RIF1: variants seen among roughly 807,000 people sequenced by gnomAD.
The protein encoded by RIF1 is replication timing regulatory factor 1, also known as telomere-associated protein RIF1.
RIF1 carries 45 observed loss-of-function variants against 247.1 expected under a neutral mutation model. That is an observed-to-expected ratio of 0.18 (90% CI 0.14 to 0.23). The LOEUF is 0.23. Ranked by LOEUF, RIF1 falls within the 10% of genes least tolerant of loss-of-function variation. The pLI, the probability that RIF1 is intolerant of heterozygous loss-of-function variation, is 1.00. For missense variants in RIF1, 2,967 were observed against 2,862.5 expected (o/e 1.04, Z -0.83); for synonymous variants, 1,087 against 978.8 (o/e 1.11, Z -2.06).
At chr2:151,414,084 G>A (rs182710344) in intron 3 of RIF1, among the ~76,000 whole-genome samples, 11 of 152,086 alleles carry the variant, frequency 7.2e-5, no homozygotes, top group African/African-American at 1.7e-4. Context: ...GGCCTGAGGC[G>A]GGTGGATCAC....
chr2:151,464,596 T>C lies in RIF1; in HGVS notation c.5076T>C (p.Cys1692=), dbSNP rs143956653. Reference sequence around the variant, plus strand: ...ATAAGCGAGACTCTTTTGATAATTGTAGTTTGGGAGAATCCTCAAAAATAG... The same window carrying C: ...ATAAGCGAGACTCTTTTGATAATTGCAGTTTGGGAGAATCCTCAAAAATAG... ...RLHKRDSFDN[C]SLGESSKIGI... The change falls in exon 30 of 36, where the codon TGT becomes TGC. Residue 1692 remains cysteine, a synonymous_variant. Coordinates refer to ENST00000444746, the MANE Select transcript of RIF1 (RefSeq NM_018151.5). 3,837 of 1,613,572 alleles carry C rather than the reference T, an allele frequency of 2.4e-3. 58 individuals are homozygous for C. The South Asian group carries it at 0.026, about 11-fold the overall frequency.
chr2:151,494,126 A>G, intron 9 of RIF1: 8 of 1,551,236 alleles, frequency 5.2e-6, no homozygotes, highest in Non-Finnish European at 7.0e-6. Flanking sequence ...GTTATTTTGC[A>G]AAATTAAAAG....
chr2:151,410,330 TG>T (rs1355403516), intron 1 of RIF1, 83 bp from the exon 2 acceptor site: 4 of 1,043,676 alleles, frequency 3.8e-6, no homozygotes, highest in Non-Finnish European at 5.7e-6. Context: ...GGCGTGCGGG[TG>T]TGAGGGCCGG....
intron 10 of RIF1, among the ~76,000 whole-genome samples, chr2:151,495,678 C>T (rs1190132263): frequency 6.6e-5 from 10 of 152,000 alleles, no homozygotes; most frequent in Non-Finnish European, 1.2e-4. Context: ...ACAACAACAA[C>T]AACAAACAAA....
chr2:151,447,144 C>G (rs904354518), intron 20 of RIF1, among the ~76,000 whole-genome samples: 1 of 151,838 alleles, frequency 6.6e-6, no homozygotes, highest in Non-Finnish European at 1.5e-5. Flanking sequence ...GGGGTTTCAC[C>G]GTGTTAGCCA....
chr2:151,435,633 T>G, intron 11 of RIF1, 53 bp downstream of exon 11: 1 of 951,994 alleles, frequency 1.1e-6, no homozygotes, highest in South Asian at 1.4e-5. Flanking sequence ...TTTGTTGACC[T>G]AGAAGCATAG....
intron 11 of RIF1, chr2:151,501,624 T>TAAC (rs1224808659): frequency 1.1e-5 from 5 of 475,016 alleles, no homozygotes; most frequent in Non-Finnish European, 1.5e-5. Context: ...AAAATAGAGT[T>TAAC]AACTATAGAT....
intron 35 of RIF1, 46 bp downstream of exon 35, chr2:151,474,118 G>T: frequency 2.3e-6 from 2 of 883,082 alleles, no homozygotes; most frequent in South Asian, 1.5e-5. Context: ...AAGATCAGCT[G>T]ACTTTCTTGA....
chr2:151,439,005 A>T (rs1430463600), intron 14 of RIF1, among the ~76,000 whole-genome samples: 1 of 152,220 alleles, frequency 6.6e-6, no homozygotes, highest in African/African-American at 2.4e-5. Flanking sequence ...CTTACTATCG[A>T]TTGGAAGCCT....
chr2:151,447,238 C>T (rs911218702), intron 20 of RIF1, among the ~76,000 whole-genome samples: 1 of 152,120 alleles, frequency 6.6e-6, no homozygotes, highest in African/African-American at 2.4e-5. Context: ...CCACCGCGCC[C>T]GGCCTCTTTC....
intron 9 of RIF1, chr2:151,492,327 A>T (rs770715674): frequency 2.5e-6 from 4 of 1,597,200 alleles, no homozygotes; most frequent in Non-Finnish European, 3.4e-6. Flanking sequence ...TGGTGTGACT[A>T]TATCCCTTTT....
chr2:151,514,769 G>T, the RIF1 span: 1 of 1,253,282 alleles, frequency 8.0e-7, no homozygotes, highest in Non-Finnish European at 1.1e-6. Context: ...AGTGTCACTA[G>T]TGCAATTATT....
chr2:151,532,301 A>C, the RIF1 span: 9 of 160,530 alleles, frequency 5.6e-5, no homozygotes, highest in East Asian at 1.6e-3. Flanking sequence ...ATTTAGACCA[A>C]ATCTCAGAGC....
chr2:151,466,014 T>C lies in RIF1; in HGVS notation c.6494T>C (p.Met2165Thr), dbSNP rs16830057. 5 of 1,613,908 alleles carry C rather than the reference T, an allele frequency of 3.1e-6. No homozygotes were observed. The highest frequency in any genetic ancestry group is 2.2e-5 in the South Asian group (2 of 91,082). The change falls in exon 30 of 36, where the codon ATG (methionine) becomes ACG (threonine). Residue 2165 changes from methionine (M) to threonine (T), a missense_variant. Met to Thr is a moderately conservative substitution (Grantham distance 81). Coordinates refer to ENST00000444746, the MANE Select transcript of RIF1 (RefSeq NM_018151.5). ...LVSANDSPSG[M>T]QTRCVWSPLA... ...TCAGCAAATGACAGTCCTAGTGGCATGCAGACACGCTGTGTCTGGTCTCCT... is the reference window on the plus strand; with the variant it reads ...TCAGCAAATGACAGTCCTAGTGGCACGCAGACACGCTGTGTCTGGTCTCCT...
At chr2:151,474,130 A>G in intron 35 of RIF1, 58 bp downstream of exon 35, 1 of 828,924 alleles carries the variant, frequency 1.2e-6, no homozygotes, top group Non-Finnish European at 2.0e-6. Context: ...CTTTCTTGAA[A>G]TATGTTATTT....
chr2:151,524,322 G>A, the RIF1 span: 1 of 1,613,768 alleles, frequency 6.2e-7, no homozygotes, highest in Non-Finnish European at 8.5e-7. Context: ...TGGCTGCTCA[G>A]CTTGGCTGCC....
chr2:151,498,891 T>TTAAAA (rs577381350), intron 10 of RIF1, among the ~76,000 whole-genome samples: 1 of 150,220 alleles, frequency 6.7e-6, no homozygotes, highest in Non-Finnish European at 1.5e-5. Context: ...GATAAGGTGC[T>TTAAAA]AAAAAAAAGA....
At chr2:151,501,359 A>T (rs1441107507) in intron 11 of RIF1, 1 of 1,327,042 alleles carries the variant, frequency 7.5e-7, no homozygotes, top group Admixed American at 2.0e-5. Flanking sequence ...ATTATTTTTT[A>T]ATATGGAGTT....
At chr2:151,506,124 G>A (rs754481417) in intron 12 of RIF1, 88 of 1,493,824 alleles carry the variant, frequency 5.9e-5, no homozygotes, top group Non-Finnish European at 7.8e-5. Flanking sequence ...AATTATCAAA[G>A]GGAGGCAGAA....
Sources: allele counts gnomAD v4.1 joint callset (sites outside exome capture counted in the v4.1 genomes callset), GRCh38; gene constraint gnomAD v4.1.1; transcripts MANE v1.5; gene names NCBI Gene and HGNC (gene_info 2026-07-23, HGNC 2026-07-21).